The following GSE1 variants were observed in gnomAD, a reference collection of about 807,000 sequenced individuals.
GSE1 encodes the protein genetic suppressor element 1.
In GSE1, 32 loss-of-function variants were observed where a neutral mutation model predicts 112.6. The ratio of observed to expected loss-of-function variants is 0.28; its 90% CI spans 0.21 to 0.38. The LOEUF is 0.38. GSE1 is among the 10% of genes least tolerant of loss of function. The pLI, the probability that GSE1 is intolerant of heterozygous loss-of-function variation, is 1.00. For missense variants in GSE1, 2,348 were observed against 1,699.2 expected, an observed-to-expected ratio of 1.38 and a Z score of -6.71; for synonymous variants, 1,115 against 735.6, an observed-to-expected ratio of 1.52 and a Z score of -8.35.
chr16:85,449,849 A>T (rs746455715), intron 2 of GSE1, among the ~76,000 whole-genome samples: 3 of 152,210 alleles, frequency 2.0e-5, no homozygotes, highest in Non-Finnish European at 4.4e-5. Context: ...GATGACAACA[A>T]TAATCATCAT....
At chr16:85,478,885 TTC>T (rs1261738583) in intron 2 of GSE1, among the ~76,000 whole-genome samples, 44 of 66,628 alleles carry the variant, frequency 6.6e-4, no homozygotes, top group African/African-American at 2.9e-3. Flanking sequence ...CTTTCTTTCT[TTC>T]TTTCTTTCTT....
chr16:85,331,681 GT>G (rs2046369485), intron 1 of GSE1, among the ~76,000 whole-genome samples: 1 of 48,168 alleles, frequency 2.1e-5, no homozygotes. Flanking sequence ...GTGTGTGTGT[GT>G]GTGTATATAT....
intron 2 of GSE1, among the ~76,000 whole-genome samples, chr16:85,415,887 G>A (rs2048692895): frequency 1.3e-5 from 2 of 152,212 alleles, no homozygotes; most frequent in African/African-American, 2.4e-5. Flanking sequence ...TGATGGATCC[G>A]TTATCACTTC....
At chr16:85,478,877 TTCTTTCTTTCTTTC>T (rs2050557625) in intron 2 of GSE1, among the ~76,000 whole-genome samples, 1 of 56,328 alleles carries the variant, frequency 1.8e-5, no homozygotes, top group Non-Finnish European at 3.0e-5. Context: ...CTTTCTTTCT[TTCTTTCTTTCTTTC>T]TTTCTTTCTT....
intron 2 of GSE1, among the ~76,000 whole-genome samples, chr16:85,468,312 CTTT>C (rs55873035): frequency 1.7e-5 from 2 of 116,718 alleles, no homozygotes; most frequent in Non-Finnish European, 3.4e-5. Flanking sequence ...CCCTTCTTTC[CTTT>C]TTTTTTTTTT....
intron 1 of GSE1, among the ~76,000 whole-genome samples, chr16:85,209,043 T>C (rs1181373286): frequency 6.6e-6 from 1 of 150,932 alleles, no homozygotes; most frequent in South Asian, 2.1e-4. Flanking sequence ...TGTTGGGGTT[T>C]GCCACTTGTT....
At chr16:85,377,591 CAG>C (rs1175762641) in intron 2 of GSE1, among the ~76,000 whole-genome samples, 1 of 152,204 alleles carries the variant, frequency 6.6e-6, no homozygotes, top group African/African-American at 2.4e-5. Context: ...TGAGAAGGAA[CAG>C]TAAGCAAGCG....
chr16:85,628,921 T>TA (rs750652367), intron 1 of GSE1, among the ~76,000 whole-genome samples: 2 of 152,148 alleles, frequency 1.3e-5, no homozygotes, highest in Non-Finnish European at 2.9e-5. Context: ...CATGTGGAAA[T>TA]GTGTCCTCCA....
chr16:85,555,883 C>T (rs1705377125), upstream of GSE1: 2 of 766,420 alleles, frequency 2.6e-6, no homozygotes, highest in Non-Finnish European at 3.1e-6. Flanking sequence ...AATTTCATCA[C>T]CCTCACCTCC....
chr16:85,558,305 C>T (rs771366244), intron 1 of GSE1, among the ~76,000 whole-genome samples: 26 of 152,348 alleles, frequency 1.7e-4, no homozygotes, highest in Non-Finnish European at 1.5e-4. Context: ...TGTGCCTCCC[C>T]GGCAGCTATG....
At chr16:85,506,685 C>T (rs1302181176) in intron 2 of GSE1, among the ~76,000 whole-genome samples, 1 of 152,070 alleles carries the variant, frequency 6.6e-6, no homozygotes, top group Non-Finnish European at 1.5e-5. Context: ...GAGGTGGGGG[C>T]AGCGCCGTAA....
chr16:85,532,710 TG>T (rs1429357877), intron 2 of GSE1, among the ~76,000 whole-genome samples: 3 of 152,234 alleles, frequency 2.0e-5, no homozygotes, highest in African/African-American at 4.8e-5. Flanking sequence ...GAAGGCAGGA[TG>T]GGCCTGTGGC....
intron 2 of GSE1, among the ~76,000 whole-genome samples, chr16:85,526,572 A>T (rs1429065308): frequency 2.0e-5 from 3 of 152,232 alleles, no homozygotes; most frequent in Non-Finnish European, 2.9e-5. Context: ...GGGACACAGC[A>T]CAGACAGGGC....
chr16:85,464,998 C>G (rs564237550), intron 2 of GSE1, among the ~76,000 whole-genome samples: 56 of 152,316 alleles, frequency 3.7e-4, no homozygotes, highest in African/African-American at 1.3e-3. Context: ...AAACAGTGTG[C>G]TCGTTTTTCA....
chr16:85,647,231 G>T (rs2050948720), intron 2 of GSE1, among the ~76,000 whole-genome samples: 1 of 152,142 alleles, frequency 6.6e-6, no homozygotes, highest in Non-Finnish European at 1.5e-5. Context: ...AGTCACCCAG[G>T]CCCAAAGCCC....
At chr16:85,468,663 T>C (rs772729991) in intron 2 of GSE1, among the ~76,000 whole-genome samples, 4 of 152,080 alleles carry the variant, frequency 2.6e-5, no homozygotes, top group Non-Finnish European at 4.4e-5. Flanking sequence ...AGAGATGTCA[T>C]CTTGGAGAGC....
Position 85,654,328 on chromosome 16 carries a change from G to A in GSE1, c.477G>A (p.Glu159=), listed in dbSNP as rs1486285012. ...SSGGRERLIV[E]PPLPQEKAGG... ...GAGGTCGGGAACGCCTCATTGTGGA[G>A]CCCCCGCTCCCTCAGGAGAAGGCAG... Residue 159 remains glutamate (E), a synonymous_variant, in exon 4 of 16, where the codon GAG becomes GAA. Transcript: ENST00000253458. 1 of 1,611,318 alleles carries A rather than the reference G, an allele frequency of 6.2e-7. No individual in the cohort carries two copies. The highest frequency in any genetic ancestry group is 2.2e-5 in the East Asian group (1 of 44,786).
intron 1 of GSE1, among the ~76,000 whole-genome samples, chr16:85,568,377 A>G (rs1285653637): frequency 1.3e-5 from 2 of 152,062 alleles, no homozygotes; most frequent in African/African-American, 4.8e-5. Context: ...AATAATAGTG[A>G]GGGTTGTCTC....
chr16:85,578,277 C>T (rs1189465672), intron 1 of GSE1, among the ~76,000 whole-genome samples: 1 of 152,218 alleles, frequency 6.6e-6, no homozygotes, highest in Non-Finnish European at 1.5e-5. Flanking sequence ...TAAATTACCC[C>T]TTCATCAGCG....
Sources: gnomAD v4.1 joint callset for allele counts (sites outside exome capture counted in the v4.1 genomes callset) on GRCh38, gnomAD v4.1.1 for gene constraint, MANE v1.5 for transcripts, NCBI Gene and HGNC (gene_info 2026-07-23, HGNC 2026-07-21) for gene names.